The following VPS54 variants were observed in gnomAD, a reference collection of about 807,000 sequenced individuals.
VPS54 encodes VPS54 subunit of GARP complex.
In VPS54, 45 loss-of-function variants were observed where a neutral mutation model predicts 121.5. That is an observed-to-expected ratio of 0.37 (90% CI 0.29 to 0.47). VPS54 has a LOEUF of 0.47. Among genes scored for constraint, VPS54 ranks in the 20% least tolerant of loss-of-function variants. VPS54 has a pLI of 0.99. For synonymous variants in VPS54, 371 were observed against 385.8 expected, an observed-to-expected ratio of 0.96 and a Z score of 0.45; for missense variants, 1,090 against 1,131.4, an observed-to-expected ratio of 0.96 and a Z score of 0.52.
chr2:63,978,257 C>T (rs1368368742), intron 3 of VPS54, among the ~76,000 whole-genome samples: 3 of 152,120 alleles, frequency 2.0e-5, no homozygotes, highest in African/African-American at 4.8e-5. Context: ...AACTTTTTTC[C>T]AAAGGGGTTG....
chr2:63,928,347 G>T (rs1674013672), intron 12 of VPS54, among the ~76,000 whole-genome samples: 1 of 152,140 alleles, frequency 6.6e-6, no homozygotes, highest in Non-Finnish European at 1.5e-5. Context: ...GAAGAGAGTG[G>T]GGGCCAAGAT....
intron 12 of VPS54, among the ~76,000 whole-genome samples, chr2:63,928,495 A>C (rs909581523): frequency 4.6e-5 from 7 of 152,222 alleles, no homozygotes; most frequent in African/African-American, 9.7e-5. Context: ...GCCTTACAAG[A>C]GCTCCTGAAG....
rs139345590 is a variant in VPS54 at position 63,953,688 on chromosome 2, GAGAC to G, written c.1011-4529_1011-4526del. 6.9e-3 allele frequency among the ~76,000 whole-genome samples: 1,054 copies of G among 152,256 alleles called. 24 individuals carry two copies. Among genetic ancestry groups the G allele is most frequent in the Admixed American group, 0.041 (621 of 15,296 alleles). On this transcript the variant is annotated intron_variant, in intron 7 of 22. Coordinates refer to ENST00000272322, the MANE Select transcript of VPS54 (RefSeq NM_016516.3). ...GTGCGCTAACACTTATCTAAGATGA[GAGAC>G]AGACAGATAGATGGATGGATAGATA...
chr2:63,911,710 CT>C (rs1476456242), intron 20 of VPS54, among the ~76,000 whole-genome samples: 5 of 152,272 alleles, frequency 3.3e-5, no homozygotes, highest in East Asian at 3.9e-4. Flanking sequence ...AATCAAAGTT[CT>C]TTGCTATTAA....
rs1050767898 is a variant in VPS54, at chr2:63,962,149, A to G, written c.919T>C (p.Leu307=). 10 of 1,611,332 alleles carry G rather than the reference A, an allele frequency of 6.2e-6. No homozygotes were observed. The highest frequency in any genetic ancestry group is 7.6e-6 in the Non-Finnish European group (9 of 1,177,694). ...GCTCCAACAAATTCAGAAGTAGATA[A>G]TAACACCTGTACTGTAGGCTGAGTC... ...HQTQPTVQVL[L]STSEFVGALD... is the part of the protein sequence containing the mutation. Residue 307 remains leucine (L), a synonymous_variant, in exon 7 of 23, where the codon TTA becomes CTA. Transcript: ENST00000272322.
At chr2:63,953,472 C>G (rs1189148856) in intron 7 of VPS54, among the ~76,000 whole-genome samples, 1 of 152,148 alleles carries the variant, frequency 6.6e-6, no homozygotes, top group Non-Finnish European at 1.5e-5. Context: ...TATTATATAT[C>G]TGTTTATGTA....
intron 12 of VPS54, among the ~76,000 whole-genome samples, chr2:63,926,235 A>G (rs1673895178): frequency 6.6e-6 from 1 of 152,186 alleles, no homozygotes; most frequent in South Asian, 2.1e-4. Flanking sequence ...TCAGCTGACC[A>G]TCTCCTACCT....
rs114542600 is a variant in VPS54 at position 64,012,920 on chromosome 2, C to T, written c.-21+6018G>A. Reference sequence around the variant, plus strand: ...TGGCCTATATTCAGAATTTATCTAACCTGACCTCAATGCCCTGAAAAAGTC... The same window carrying T: ...TGGCCTATATTCAGAATTTATCTAATCTGACCTCAATGCCCTGAAAAAGTC... On this transcript the variant is annotated intron_variant, in intron 1 of 22. Coordinates refer to ENST00000272322, the MANE Select transcript of VPS54 (RefSeq NM_016516.3). 1.2e-3 allele frequency among the ~76,000 whole-genome samples: 190 copies of T among 152,238 alleles called. 1 individual carries two copies. The highest frequency in any genetic ancestry group is 4.4e-3 in the African/African-American group (183 of 41,548).
At chr2:64,006,828 A>G (rs1358040200) in intron 1 of VPS54, among the ~76,000 whole-genome samples, 1 of 152,176 alleles carries the variant, frequency 6.6e-6, no homozygotes, top group African/African-American at 2.4e-5. Context: ...CATATTGGTC[A>G]GGCTAGTCTT....
At chr2:64,018,424 G>T (rs1216119594) in intron 1 of VPS54, among the ~76,000 whole-genome samples, 1 of 152,178 alleles carries the variant, frequency 6.6e-6, no homozygotes. Flanking sequence ...AGAGATGGAA[G>T]GAGGCAGAAC....
chr2:63,982,124 G>A (rs1014039200), intron 2 of VPS54, among the ~76,000 whole-genome samples: 5 of 152,064 alleles, frequency 3.3e-5, no homozygotes, highest in Admixed American at 6.5e-5. Context: ...TGAGAACTAC[G>A]ATTGCAGGGT....
At chr2:63,898,393 G>A (rs1196868661) in intron 21 of VPS54, among the ~76,000 whole-genome samples, 3 of 152,136 alleles carry the variant, frequency 2.0e-5, no homozygotes, top group Non-Finnish European at 2.9e-5. Context: ...TGGGTACGTC[G>A]TATTTTACGG....
intron 9 of VPS54, among the ~76,000 whole-genome samples, chr2:63,947,071 A>T (rs1675011632): frequency 6.6e-6 from 1 of 151,942 alleles, no homozygotes; most frequent in Non-Finnish European, 1.5e-5. Context: ...TTACACAATC[A>T]TTAAAAATGA....
At chr2:63,915,936 C>T (rs1234848562) in intron 16 of VPS54, among the ~76,000 whole-genome samples, 1 of 152,146 alleles carries the variant, frequency 6.6e-6, no homozygotes, top group Non-Finnish European at 1.5e-5. Flanking sequence ...CATAAATAAA[C>T]AATTCTATTA....
At chr2:63,906,569 T>C (rs1297387576) in intron 20 of VPS54, among the ~76,000 whole-genome samples, 5 of 152,158 alleles carry the variant, frequency 3.3e-5, no homozygotes, top group Non-Finnish European at 5.9e-5. Flanking sequence ...ATGGGCTCAC[T>C]GGGGGAAAAG....
intron 16 of VPS54, among the ~76,000 whole-genome samples, chr2:63,914,575 C>G (rs1490042050): frequency 6.6e-6 from 1 of 152,098 alleles, no homozygotes; most frequent in Admixed American, 6.5e-5. Flanking sequence ...TTCTGTACAA[C>G]AGGCATAATA....
intron 1 of VPS54, among the ~76,000 whole-genome samples, chr2:64,013,583 TAAATATATATCAATATATATCATA>T (rs1678532423): frequency 6.8e-6 from 1 of 147,206 alleles, no homozygotes; most frequent in Non-Finnish European, 1.5e-5. Context: ...CATTTATATA[TAAATATATATCAATATATATCATA>T]TGATATATAT....
chr2:64,000,515 T>C (rs1221104959), intron 1 of VPS54, among the ~76,000 whole-genome samples: 1 of 152,260 alleles, frequency 6.6e-6, no homozygotes, highest in East Asian at 1.9e-4. Flanking sequence ...GACTTATCTG[T>C]ACCTGTCCTT....
intron 1 of VPS54, among the ~76,000 whole-genome samples, chr2:64,017,229 C>A (rs1330546303): frequency 6.6e-6 from 1 of 150,752 alleles, no homozygotes; most frequent in Non-Finnish European, 1.5e-5. Flanking sequence ...CCCAGCTACT[C>A]AGGAGACTGA....
Sources: gnomAD v4.1 joint callset for allele counts (sites outside exome capture counted in the v4.1 genomes callset) on GRCh38, gnomAD v4.1.1 for gene constraint, MANE v1.5 for transcripts, NCBI Gene and HGNC (gene_info 2026-07-23, HGNC 2026-07-21) for gene names.